VPS26C: variants seen among roughly 807,000 people sequenced by gnomAD.
VPS26C encodes the protein vacuolar protein sorting-associated protein 26C.
A neutral mutation model predicts 30.6 loss-of-function variants in VPS26C; 19 were observed. The observed-to-expected ratio is 0.62, with a 90% CI of 0.43 to 0.91. The LOEUF is 0.91. Ranked by LOEUF, VPS26C falls within the 40% of genes least tolerant of loss-of-function variation. VPS26C has a pLI of 0.00. For synonymous variants in VPS26C, 132 were observed against 151.5 expected, an observed-to-expected ratio of 0.87 and a Z score of 0.95; for missense variants, 318 against 385.1, an observed-to-expected ratio of 0.83 and a Z score of 1.46.
At chr21:37,241,923 T>C (rs146081821) in intron 1 of VPS26C, among the ~76,000 whole-genome samples, 57 of 152,374 alleles carry the variant, frequency 3.7e-4, no homozygotes, top group African/African-American at 1.3e-3. Flanking sequence ...TTCTTCTAGT[T>C]ATCCAGTGAA....
chr21:37,235,816 GATACAT>G (rs1213173730), intron 3 of VPS26C, among the ~76,000 whole-genome samples: 1 of 145,606 alleles, frequency 6.9e-6, no homozygotes, highest in Non-Finnish European at 1.5e-5. Flanking sequence ...ACTGGCATTT[GATACAT>G]ATACATATAT....
chr21:37,263,419 A>G (rs1771351769), intron 1 of VPS26C, among the ~76,000 whole-genome samples: 1 of 152,194 alleles, frequency 6.6e-6, no homozygotes, highest in African/African-American at 2.4e-5. Context: ...GCAGAATAAT[A>G]GAGTGTTCAA....
chr21:37,232,013 T>C (rs2085969903), intron 5 of VPS26C: 3 of 233,434 alleles, frequency 1.3e-5, no homozygotes, highest in South Asian at 2.0e-4. Context: ...CCATGGAGGA[T>C]GACAACAGGC....
At chr21:37,229,552 G>A (rs1234714462) in intron 5 of VPS26C, 1 of 152,156 alleles carries the variant, frequency 6.6e-6, no homozygotes, top group Non-Finnish European at 1.5e-5. Flanking sequence ...GAATTTTCTG[G>A]TAGCCACATT....
At chr21:37,230,085 T>C (rs574524942) in intron 5 of VPS26C, among the ~76,000 whole-genome samples, 1 of 152,318 alleles carries the variant, frequency 6.6e-6, no homozygotes, top group South Asian at 2.1e-4. Context: ...CACGCTGGTC[T>C]TGAACTCCTG....
chr21:37,243,021 C>T (rs932870956), intron 1 of VPS26C, among the ~76,000 whole-genome samples: 1 of 152,124 alleles, frequency 6.6e-6, no homozygotes, highest in African/African-American at 2.4e-5. Flanking sequence ...AATTAGCCCA[C>T]CTGAGGCCGA....
intron 2 of VPS26C, among the ~76,000 whole-genome samples, chr21:37,239,277 T>C (rs1339777054): frequency 6.6e-6 from 1 of 152,198 alleles, no homozygotes; most frequent in Non-Finnish European, 1.5e-5. Context: ...TACTAATGGA[T>C]TAAAATAAAG....
intron 1 of VPS26C, among the ~76,000 whole-genome samples, chr21:37,252,372 A>C (rs1223053329): frequency 6.6e-6 from 1 of 152,214 alleles, no homozygotes; most frequent in African/African-American, 2.4e-5. Context: ...GTCTGAAAAA[A>C]CAGGATAAAC....
chr21:37,232,324 G>C (rs1315555383), intron 5 of VPS26C, 53 bp downstream of exon 5: 16 of 1,513,314 alleles, frequency 1.1e-5, no homozygotes, highest in South Asian at 5.7e-5. Flanking sequence ...TAGTCCGTGG[G>C]GTCTGGCTGC....
intron 4 of VPS26C, chr21:37,232,655 G>A (rs2085978161): frequency 6.7e-6 from 4 of 601,158 alleles, no homozygotes; most frequent in Non-Finnish European, 1.2e-5. Flanking sequence ...TCTGTAAAAT[G>A]AGGGGAGAGA....
intron 1 of VPS26C, among the ~76,000 whole-genome samples, chr21:37,250,435 T>G (rs561171578): frequency 1.3e-5 from 2 of 152,178 alleles, no homozygotes; most frequent in South Asian, 4.1e-4. Flanking sequence ...TTTTTTCACA[T>G]CTAAGTGGGA....
intron 1 of VPS26C, among the ~76,000 whole-genome samples, chr21:37,265,309 A>T (rs1333564450): frequency 6.6e-6 from 1 of 152,232 alleles, no homozygotes; most frequent in Non-Finnish European, 1.5e-5. Context: ...AGCTGTTTTT[A>T]AAAAGAATAC....
In VPS26C at chr21:37,238,568, C is replaced by A. The variant is rs144379747; in HGVS notation, c.243G>T (p.Pro81=). The change falls in exon 3 of 8, where the codon CCG becomes CCT. Residue 81 remains proline, a synonymous_variant. Transcript: ENST00000309117. ...CTGTTTTGCCGCTGGGAAATTTCCCCGGCTTCACCATTTCTATGGTGCTGT... is the reference window on the plus strand; with the variant it reads ...CTGTTTTGCCGCTGGGAAATTTCCCAGGCTTCACCATTTCTATGGTGCTGT... ...IINSTIEMVK[P]GKFPSGKTEI... is the part of the protein sequence containing the mutation. The A allele has an allele frequency of 1.9e-6, 3 of 1,614,020 alleles. No homozygotes were observed. In the South Asian group the frequency reaches 3.3e-5, roughly 18 times the overall value.
At chr21:37,240,474 C>G in intron 2 of VPS26C, 22 bp downstream of exon 2, 1 of 1,612,666 alleles carries the variant, frequency 6.2e-7, no homozygotes, top group Non-Finnish European at 8.5e-7. Flanking sequence ...TAAAAACTTG[C>G]AATCTAAGCA....
At chr21:37,246,773 C>T (rs906874661) in intron 1 of VPS26C, among the ~76,000 whole-genome samples, 2 of 152,264 alleles carry the variant, frequency 1.3e-5, no homozygotes, top group African/African-American at 4.8e-5. Context: ...TACTTCCATA[C>T]TTTTAAGACA....
intron 7 of VPS26C, 97 bp downstream of exon 7, chr21:37,227,557 G>T: frequency 7.1e-7 from 1 of 1,417,810 alleles, no homozygotes; most frequent in Non-Finnish European, 9.8e-7. Flanking sequence ...AGGGACCGAA[G>T]GGCGGCAGGT....
At position 37,225,601 on chromosome 21, in the gene VPS26C, C is replaced by G; in HGVS notation, c.837G>C (p.Leu279=). 6.2e-7 allele frequency: 1 copy of G among 1,614,072 alleles called. No individual in the cohort carries two copies. Among genetic ancestry groups the G allele is most frequent in the Non-Finnish European group, 8.5e-7 (1 of 1,179,992 alleles). The change falls in exon 8 of 8, where the codon CTG becomes CTC. Residue 279 remains leucine (L), a synonymous_variant. Transcript: ENST00000309117. ...KVEFEVNIVV[L]LHPDHLITEN... Reference sequence around the variant, plus strand: ...CCGTGATGAGGTGGTCAGGGTGAAGCAGCACCACGATGTTAACCTCAAATT... The same window carrying G: ...CCGTGATGAGGTGGTCAGGGTGAAGGAGCACCACGATGTTAACCTCAAATT...
Position 37,232,046 on chromosome 21 carries a change from G to A in VPS26C, c.507+331C>T, listed in dbSNP as rs147595458. On this transcript the variant is annotated intron_variant, in intron 5 of 7. Coordinates refer to ENST00000309117, the MANE Select transcript of VPS26C (RefSeq NM_006052.2). ...GGCCAGGGGGCCGGGCGCAGGCCCCGGCTAACCATGAGAAATGAAGGGACG... is the reference window on the plus strand; with the variant it reads ...GGCCAGGGGGCCGGGCGCAGGCCCCAGCTAACCATGAGAAATGAAGGGACG... The A allele has an allele frequency of 1.6e-3, 468 of 296,128 alleles. 2 individuals are homozygous for A. The highest frequency in any genetic ancestry group is 8.3e-3 in the East Asian group (129 of 15,552). 18.3% of individuals were successfully genotyped at this position (296,128 alleles called of 1,614,324 possible).
chr21:37,261,742 C>G (rs2148311173), intron 1 of VPS26C: 1 of 151,980 alleles, frequency 6.6e-6, no homozygotes, highest in East Asian at 1.9e-4. Flanking sequence ...AATTTTCAGA[C>G]TTGGCAGTGA....
Sources: gnomAD v4.1 joint callset for allele counts (sites outside exome capture counted in the v4.1 genomes callset) on GRCh38, gnomAD v4.1.1 for gene constraint, MANE v1.5 for transcripts, NCBI Gene and HGNC (gene_info 2026-07-23, HGNC 2026-07-21) for gene names.